Variants in XIRP2 observed in about 807,000 individuals in gnomAD.
XIRP2 encodes the protein xin actin binding repeat containing 2.
In XIRP2, 236 loss-of-function variants were observed where a neutral mutation model predicts 277.0. The ratio of observed to expected loss-of-function variants is 0.85; its 90% CI spans 0.77 to 0.95. The LOEUF (loss-of-function observed/expected upper bound fraction) is 0.95. Ranked by LOEUF, XIRP2 falls within the 40% of genes least tolerant of loss-of-function variation. XIRP2 has a pLI of 0.00. For missense variants in XIRP2, 4,640 were observed against 4,157.5 expected (o/e 1.12, Z -3.19); for synonymous variants, 1,490 against 1,416.5 (o/e 1.05, Z -1.17).
chr2:167,238,170 T>C (rs1694955599), intron 5 of XIRP2, among the ~76,000 whole-genome samples: 1 of 152,240 alleles, frequency 6.6e-6, no homozygotes, highest in Non-Finnish European at 1.5e-5. Context: ...TATTCATGTA[T>C]GCATTCCTCA....
In XIRP2 at chr2:167,241,853, C is replaced by T. The variant is rs771071061; in HGVS notation, c.1119C>T (p.Ala373=). ...TAAAAGAGCAGTTTGAAAAGTCTGC[C>T]CAGGAAAAGATCCTTTATTCTGACA... ...KLLKEQFEKS[A]QEKILYSDKE... The change falls in exon 8 of 11, where the codon GCC becomes GCT. Residue 373 remains alanine, a synonymous_variant. Transcript: ENST00000409195. 4 of 1,613,268 alleles carry T rather than the reference C, an allele frequency of 2.5e-6. No homozygotes were observed. In the South Asian group the frequency reaches 3.3e-5, roughly 13 times the overall value.
chr2:167,012,184 T>C (rs1687698548), intron 2 of XIRP2, among the ~76,000 whole-genome samples: 1 of 151,996 alleles, frequency 6.6e-6, no homozygotes, highest in Non-Finnish European at 1.5e-5. Context: ...TCCTGCTTTC[T>C]CTTGTGGGCA....
In XIRP2 at chr2:167,246,342, A is replaced by G; in HGVS notation, c.4950A>G (p.Glu1650=). The G allele has an allele frequency of 6.2e-7, 1 of 1,612,896 alleles. No individual in the cohort carries two copies. The highest frequency in any genetic ancestry group is 8.5e-7 in the Non-Finnish European group (1 of 1,179,594). Reference sequence around the variant, plus strand: ...ACAGATCAACTGAATTTCATGCTGAAAAAGAAGAGATAGTGAAAGGTGATG... The same window carrying G: ...ACAGATCAACTGAATTTCATGCTGAGAAAGAAGAGATAGTGAAAGGTGATG... The part of the protein sequence containing the change: ...LLNRSTEFHA[E]KEEIVKGDVQ... The change falls in exon 9 of 11, where the codon GAA becomes GAG. Residue 1650 remains glutamate, a synonymous_variant. Transcript: ENST00000409195.
At chr2:166,898,962 A>G (rs927640257) in intron 1 of XIRP2, among the ~76,000 whole-genome samples, 6 of 151,992 alleles carry the variant, frequency 3.9e-5, no homozygotes, top group African/African-American at 1.2e-4. Flanking sequence ...CCACCCCACA[A>G]TCTCTGTCTT....
At chr2:167,177,564 G>T (rs2105354164) in intron 3 of XIRP2, among the ~76,000 whole-genome samples, 1 of 152,226 alleles carries the variant, frequency 6.6e-6, no homozygotes, top group African/African-American at 2.4e-5. Flanking sequence ...TAGGCATTTA[G>T]ATTGTCTAGG....
intron 2 of XIRP2, among the ~76,000 whole-genome samples, chr2:167,115,208 C>T (rs1458247065): frequency 6.6e-6 from 1 of 152,114 alleles, no homozygotes; most frequent in East Asian, 1.9e-4. Flanking sequence ...TCTATCAGAT[C>T]CGTTTGGTTC....
At chr2:167,149,833 TA>T (rs1340101344) in intron 3 of XIRP2, among the ~76,000 whole-genome samples, 2 of 151,638 alleles carry the variant, frequency 1.3e-5, no homozygotes. Context: ...GTTAAAGTAC[TA>T]AAAAAAAGAA....
intron 2 of XIRP2, among the ~76,000 whole-genome samples, chr2:167,053,242 A>G (rs187026955): frequency 5.6e-4 from 85 of 152,368 alleles, no homozygotes; most frequent in Non-Finnish European, 9.7e-4. Flanking sequence ...TAAATGGGAC[A>G]TGGACATATT....
In XIRP2 at chr2:167,245,803, T is replaced by A. The variant is rs1695238047; in HGVS notation, c.4411T>A (p.Tyr1471Asn). 6.2e-7 allele frequency: 1 copy of A among 1,613,720 alleles called. No homozygotes were observed. Among genetic ancestry groups the A allele is most frequent in the Non-Finnish European group, 8.5e-7 (1 of 1,179,756 alleles). Reference protein sequence around the residue: ...MDELRGEGLEYENIKTVTQED... With the variant: ...MDELRGEGLENENIKTVTQED... Reference sequence around the variant, plus strand: ...TGAACTGAGAGGAGAAGGGTTAGAATATGAAAATATCAAGACAGTCACTCA... The same window carrying A: ...TGAACTGAGAGGAGAAGGGTTAGAAAATGAAAATATCAAGACAGTCACTCA... Residue 1471 changes from tyrosine (Y) to asparagine (N), a missense_variant, in exon 9 of 11, where the codon TAT becomes AAT. By Grantham distance (143) the Tyr-to-Asn change is moderately radical. Coordinates refer to ENST00000409195, the MANE Select transcript of XIRP2 (RefSeq NM_152381.6).
Position 167,240,822 on chromosome 2 carries a change from C to T in XIRP2, c.1042+86C>T, listed in dbSNP as rs1200956143. The T allele has an allele frequency of 4.3e-6, 5 of 1,155,976 alleles. No individual in the cohort carries two copies. The African/African-American group carries it at 7.6e-5, about 18-fold the overall frequency. 71.6% of individuals were successfully genotyped at this position (1,155,976 alleles called of 1,614,324 possible). A position where few individuals can be genotyped will look rare whatever the true frequency, so the allele number is the denominator to read the frequency against. On this transcript the variant is annotated intron_variant, in intron 7 of 10. Transcript: ENST00000409195. ...AATGGATGACTTCCAAAGCACAGTCCTCCCCTCTGAGTAACTTTAGTAACT... is the reference window on the plus strand; with the variant it reads ...AATGGATGACTTCCAAAGCACAGTCTTCCCCTCTGAGTAACTTTAGTAACT...
At chr2:166,949,561 C>T (rs867959602) in intron 2 of XIRP2, among the ~76,000 whole-genome samples, 1 of 152,032 alleles carries the variant, frequency 6.6e-6, no homozygotes, top group Admixed American at 6.6e-5. Context: ...CATTCATTGC[C>T]TTAGTTTTAT....
At chr2:167,143,327 C>T (rs1000928833) in intron 3 of XIRP2, among the ~76,000 whole-genome samples, 3 of 152,014 alleles carry the variant, frequency 2.0e-5, no homozygotes, top group East Asian at 1.9e-4. Flanking sequence ...TACTTATGTC[C>T]GTGGGCCCAC....
intron 1 of XIRP2, among the ~76,000 whole-genome samples, chr2:166,903,143 T>A (rs1181446182): frequency 2.0e-5 from 3 of 152,124 alleles, no homozygotes; most frequent in Non-Finnish European, 4.4e-5. Flanking sequence ...TGTTCAAATT[T>A]TATATTTTAA....
At chr2:166,930,095 T>C (rs370850541) in intron 2 of XIRP2, among the ~76,000 whole-genome samples, 1 of 152,294 alleles carries the variant, frequency 6.6e-6, no homozygotes, top group Non-Finnish European at 1.5e-5. Flanking sequence ...TCCCATTCTT[T>C]AATATGTTGC....
At position 167,038,529 on chromosome 2, in the gene XIRP2, A is replaced by C. The variant is rs180741898; in HGVS notation, c.409-97380A>C. On this transcript the variant is annotated intron_variant, in intron 2 of 10. Transcript: ENST00000409195. ...TTGACCCAGAAATTCTATCCAGAGA[A>C]AGCTTAGTTCTGGGATTTTTTTTTC... 1.5e-3 allele frequency among the ~76,000 whole-genome samples: 234 copies of C among 151,082 alleles called. 2 individuals are homozygous for C. Among genetic ancestry groups the C allele is most frequent in the Non-Finnish European group, 2.7e-3 (184 of 67,906 alleles).
At chr2:167,036,264 G>C (rs959824718) in intron 2 of XIRP2, among the ~76,000 whole-genome samples, 3 of 152,146 alleles carry the variant, frequency 2.0e-5, no homozygotes, top group Admixed American at 1.3e-4. Flanking sequence ...CTTGCACTGT[G>C]TGCCTGGAAA....
chr2:166,933,263 C>T (rs779958983), intron 2 of XIRP2, among the ~76,000 whole-genome samples: 26 of 151,642 alleles, frequency 1.7e-4, no homozygotes, highest in Non-Finnish European at 3.2e-4. Context: ...ATTCTTCTGC[C>T]TCAGCCTCCC....
chr2:167,156,978 T>C (rs1013500179), intron 3 of XIRP2, among the ~76,000 whole-genome samples: 17 of 152,294 alleles, frequency 1.1e-4, no homozygotes, highest in Admixed American at 9.8e-4. Flanking sequence ...TCTTTCAATT[T>C]TTTTTCAATT....
chr2:167,092,460 T>C (rs1690175611), intron 2 of XIRP2, among the ~76,000 whole-genome samples: 1 of 152,082 alleles, frequency 6.6e-6, no homozygotes, highest in African/African-American at 2.4e-5. Context: ...AAATAGTTTG[T>C]AAAAGCCATC....
Sources: gnomAD v4.1 joint callset for allele counts (sites outside exome capture counted in the v4.1 genomes callset) on GRCh38, gnomAD v4.1.1 for gene constraint, MANE v1.5 for transcripts, NCBI Gene and HGNC (gene_info 2026-07-23, HGNC 2026-07-21) for gene names.